SPMIP2: variants seen among roughly 807,000 people sequenced by gnomAD.
The protein encoded by SPMIP2 is sperm microtubule inner protein 2, also known as protein SPMIP2.
the SPMIP2 span, among the ~76,000 whole-genome samples, chr4:158,993,034 G>C: frequency 0.27 from 40,770 of 151,922 alleles, 5,554 homozygotes; most frequent in Non-Finnish European, 0.29. Flanking sequence ...GTGTTTCTGT[G>C]TGTGTGTGTG....
the SPMIP2 span, among the ~76,000 whole-genome samples, chr4:158,955,115 A>T: frequency 2.0e-4 from 31 of 152,180 alleles, no homozygotes; most frequent in African/African-American, 4.3e-4. Flanking sequence ...ATACATTTTT[A>T]AAAAATCAAA....
chr4:158,998,236 T>C, the SPMIP2 span, among the ~76,000 whole-genome samples: 1 of 152,212 alleles, frequency 6.6e-6, no homozygotes, highest in East Asian at 1.9e-4. Context: ...AGCCCACTTT[T>C]AGCTGTATAA....
chr4:158,979,751 G>A, the SPMIP2 span, among the ~76,000 whole-genome samples: 17,740 of 150,704 alleles, frequency 0.12, 1,183 homozygotes, highest in East Asian at 0.24. Context: ...GCACAAAACT[G>A]GGTGGCTGTT....
the SPMIP2 span, among the ~76,000 whole-genome samples, chr4:158,924,476 T>C: frequency 6.6e-6 from 1 of 152,176 alleles, no homozygotes; most frequent in Admixed American, 6.5e-5. Context: ...GCCTCCTGGG[T>C]TCAAGTGATT....
At chr4:159,028,212 C>T in the SPMIP2 span, among the ~76,000 whole-genome samples, 38 of 152,134 alleles carry the variant, frequency 2.5e-4, no homozygotes, top group African/African-American at 8.9e-4. Context: ...GTTATAGTGC[C>T]TTTTTAATTT....
the SPMIP2 span, among the ~76,000 whole-genome samples, chr4:158,942,885 A>G: frequency 1.3e-5 from 2 of 152,352 alleles, no homozygotes; most frequent in East Asian, 1.9e-4. Flanking sequence ...AAAATTACCT[A>G]TTTATGTATT....
chr4:158,907,618 T>C, the SPMIP2 span: 1 of 152,222 alleles, frequency 6.6e-6, no homozygotes, highest in Non-Finnish European at 1.5e-5. Context: ...ATTTTTCCGC[T>C]AATATGTACT....
the SPMIP2 span, among the ~76,000 whole-genome samples, chr4:158,933,146 G>A: frequency 6.6e-6 from 1 of 152,184 alleles, no homozygotes; most frequent in African/African-American, 2.4e-5. Flanking sequence ...TGGGATTACA[G>A]GCACACACTA....
At chr4:158,979,545 G>T in the SPMIP2 span, among the ~76,000 whole-genome samples, 13 of 152,328 alleles carry the variant, frequency 8.5e-5, no homozygotes, top group African/African-American at 2.9e-4. Context: ...CACTGGAACT[G>T]GTTAGATAGT....
chr4:158,991,595 G>T, the SPMIP2 span, among the ~76,000 whole-genome samples: 3 of 152,202 alleles, frequency 2.0e-5, no homozygotes, highest in Non-Finnish European at 4.4e-5. Flanking sequence ...TGAAAATTGA[G>T]TATTCACTGA....
At chr4:159,051,797 G>T in the SPMIP2 span, among the ~76,000 whole-genome samples, 1 of 152,164 alleles carries the variant, frequency 6.6e-6, no homozygotes, top group African/African-American at 2.4e-5. Flanking sequence ...ACCCAGCTGC[G>T]TGCTGAAATA....
chr4:159,033,885 G>A, the SPMIP2 span, among the ~76,000 whole-genome samples: 79,932 of 152,114 alleles, frequency 0.53, 21,808 homozygotes, highest in East Asian at 0.74. Context: ...CTGGAATCCC[G>A]ACACAGGTGG....
At chr4:159,018,195 C>A in the SPMIP2 span, among the ~76,000 whole-genome samples, 1 of 152,198 alleles carries the variant, frequency 6.6e-6, no homozygotes, top group African/African-American at 2.4e-5. Flanking sequence ...TCACTTTGGA[C>A]GTGGCAGCTG....
At chr4:158,942,050 C>T in the SPMIP2 span, among the ~76,000 whole-genome samples, 2 of 152,196 alleles carry the variant, frequency 1.3e-5, no homozygotes, top group East Asian at 3.8e-4. Context: ...CTGCCACCCA[C>T]CATGTAATTC....
At chr4:158,896,091 C>A in the SPMIP2 span, among the ~76,000 whole-genome samples, 1 of 152,100 alleles carries the variant, frequency 6.6e-6, no homozygotes, top group Non-Finnish European at 1.5e-5. Flanking sequence ...TTAGGCTGGT[C>A]GTGCTTTGTT....
the SPMIP2 span, among the ~76,000 whole-genome samples, chr4:159,020,154 G>A: frequency 1.3e-5 from 2 of 151,758 alleles, no homozygotes; most frequent in Non-Finnish European, 2.9e-5. Flanking sequence ...AATGTCCTTT[G>A]GTAGCAATTT....
At chr4:158,913,601 G>A in the SPMIP2 span, among the ~76,000 whole-genome samples, 2 of 152,134 alleles carry the variant, frequency 1.3e-5, no homozygotes, top group Admixed American at 6.5e-5. Context: ...CTTATAAATT[G>A]TACTGTGTTT....
chr4:159,053,461 G>A, the SPMIP2 span, among the ~76,000 whole-genome samples: 2 of 152,110 alleles, frequency 1.3e-5, no homozygotes, highest in African/African-American at 2.4e-5. Flanking sequence ...GCTGTGGGCC[G>A]GTAGGGTCCC....
chr4:159,036,062 A>G, the SPMIP2 span, among the ~76,000 whole-genome samples: 2 of 152,264 alleles, frequency 1.3e-5, no homozygotes, highest in Non-Finnish European at 2.9e-5. Context: ...TTGTATGAAC[A>G]GTAATTCTAG....
Sources: gnomAD v4.1 joint callset for allele counts (sites outside exome capture counted in the v4.1 genomes callset) on GRCh38, gnomAD v4.1.1 for gene constraint, MANE v1.5 for transcripts, NCBI Gene and HGNC (gene_info 2026-07-23, HGNC 2026-07-21) for gene names.